Variants in CDH12 observed in about 807,000 individuals in gnomAD.
The protein encoded by CDH12 is cadherin-12.
Under a neutral mutation model 74.1 loss-of-function variants are expected in CDH12, and 41 were observed. That is an observed-to-expected ratio of 0.55 (90% CI 0.43 to 0.72). The LOEUF is 0.72. CDH12 is among the 30% of genes least tolerant of loss of function. CDH12 has a pLI of 0.00. For synonymous variants in CDH12, 399 were observed against 355.0 expected (o/e 1.12, Z -1.39); for missense variants, 945 against 977.2 (o/e 0.97, Z 0.44).
rs367713533 is a variant in CDH12, at chr5:22,111,159, G to C, written c.-186-32297C>G. Among the ~76,000 whole-genome samples the C allele has an allele frequency of 7.9e-5, 12 of 152,112 alleles. No homozygotes were observed. The South Asian group carries it at 2.5e-3, about 32-fold the overall frequency. On this transcript the variant is annotated intron_variant, in intron 4 of 14. Coordinates refer to ENST00000382254, the MANE Select transcript of CDH12 (RefSeq NM_004061.5). ...TTCCTTTTATTTTCTTGGGTGGGTG[G>C]GTGGTGGTATTTATTCATTGCCCTT...
At chr5:22,809,764 A>G (rs979814503) in intron 1 of CDH12, among the ~76,000 whole-genome samples, 5 of 152,078 alleles carry the variant, frequency 3.3e-5, no homozygotes, top group Non-Finnish European at 5.9e-5. Context: ...TTTTAAGCCA[A>G]AAATACTGCT....
At chr5:21,897,817 A>G (rs547976886) in intron 6 of CDH12, among the ~76,000 whole-genome samples, 21 of 152,204 alleles carry the variant, frequency 1.4e-4, no homozygotes, top group Non-Finnish European at 2.9e-4. Flanking sequence ...ATGTATTACA[A>G]TATTTCTTTG....
chr5:21,942,345 T>TACAC (rs777181583), intron 6 of CDH12, among the ~76,000 whole-genome samples: 7 of 99,080 alleles, frequency 7.1e-5, no homozygotes, highest in Admixed American at 2.4e-4. Flanking sequence ...TATATATATA[T>TACAC]ATACACACAC....
intron 1 of CDH12, among the ~76,000 whole-genome samples, chr5:22,668,081 AAAATTGAAC>A (rs1465101503): frequency 6.6e-6 from 1 of 152,192 alleles, no homozygotes; most frequent in Admixed American, 6.5e-5. Context: ...TTTTTCAATA[AAAATTGAAC>A]ATTTCCCTCT....
chr5:21,965,505 T>C (rs1756539570), intron 6 of CDH12, among the ~76,000 whole-genome samples: 1 of 152,092 alleles, frequency 6.6e-6, no homozygotes, highest in Non-Finnish European at 1.5e-5. Context: ...TTGACATATT[T>C]CTTTTTCGTT....
chr5:21,821,143 G>A (rs1257067913), intron 8 of CDH12, among the ~76,000 whole-genome samples: 1 of 151,728 alleles, frequency 6.6e-6, no homozygotes, highest in Non-Finnish European at 1.5e-5. Flanking sequence ...CAGTAACTAT[G>A]TCATTTGAAA....
At chr5:22,192,957 T>G (rs1365922938) in intron 4 of CDH12, among the ~76,000 whole-genome samples, 31 of 152,082 alleles carry the variant, frequency 2.0e-4, no homozygotes, top group Admixed American at 2.0e-3. Flanking sequence ...GCAGTAGGTA[T>G]GCAGACATGG....
At chr5:21,960,253 A>G (rs569264717) in intron 6 of CDH12, among the ~76,000 whole-genome samples, 4 of 152,302 alleles carry the variant, frequency 2.6e-5, no homozygotes, top group Admixed American at 1.3e-4. Flanking sequence ...TCATCTCCAC[A>G]TGGCACATGC....
At chr5:21,866,348 C>T (rs1004918235) in intron 6 of CDH12, among the ~76,000 whole-genome samples, 6 of 152,240 alleles carry the variant, frequency 3.9e-5, no homozygotes, top group African/African-American at 1.2e-4. Context: ...GACAGGAAAA[C>T]GTGGGACAGT....
At chr5:21,957,733 G>T (rs1320918508) in intron 6 of CDH12, among the ~76,000 whole-genome samples, 1 of 151,996 alleles carries the variant, frequency 6.6e-6, no homozygotes. Flanking sequence ...AAAAGTGTCT[G>T]TTCATGTACT....
At chr5:22,655,105 T>C (rs1031618500) in intron 1 of CDH12, among the ~76,000 whole-genome samples, 1 of 152,246 alleles carries the variant, frequency 6.6e-6, no homozygotes, top group Non-Finnish European at 1.5e-5. Flanking sequence ...TTAATCCAGA[T>C]GCTTATGTCA....
chr5:21,831,731 C>CT (rs148677735), intron 8 of CDH12, among the ~76,000 whole-genome samples: 6,719 of 151,784 alleles, frequency 0.044, 165 homozygotes, highest in African/African-American at 0.066. Context: ...TCAAAAGAGA[C>CT]AATTTTCTCG....
chr5:22,819,129 G>T (rs1581031680), intron 1 of CDH12, among the ~76,000 whole-genome samples: 1 of 152,266 alleles, frequency 6.6e-6, no homozygotes, highest in African/African-American at 2.4e-5. Context: ...TAACTATGTG[G>T]TATGTAAGCA....
intron 8 of CDH12, among the ~76,000 whole-genome samples, chr5:21,823,898 A>C (rs1207566962): frequency 6.6e-6 from 1 of 151,802 alleles, no homozygotes; most frequent in African/African-American, 2.4e-5. Context: ...TTTGTCTCTC[A>C]CTCTTCCTTT....
intron 3 of CDH12, among the ~76,000 whole-genome samples, chr5:22,295,858 A>G (rs1383433906): frequency 6.6e-6 from 1 of 152,134 alleles, no homozygotes; most frequent in East Asian, 1.9e-4. Context: ...TAGCAAGCCA[A>G]TACTGGATTT....
intron 6 of CDH12, among the ~76,000 whole-genome samples, chr5:21,901,947 T>A (rs921344721): frequency 6.6e-6 from 1 of 152,166 alleles, no homozygotes; most frequent in African/African-American, 2.4e-5. Flanking sequence ...AAGGGATATA[T>A]TCTTGTTCTG....
chr5:22,097,935 C>G (rs1743891396), intron 4 of CDH12, among the ~76,000 whole-genome samples: 1 of 152,174 alleles, frequency 6.6e-6, no homozygotes, highest in South Asian at 2.1e-4. Flanking sequence ...CCCATTTCAC[C>G]TGTCCTAAAA....
At chr5:21,811,225 A>G (rs1747728196) in intron 9 of CDH12, among the ~76,000 whole-genome samples, 1 of 152,148 alleles carries the variant, frequency 6.6e-6, no homozygotes. Context: ...ACTAAATAGG[A>G]AATAACTTCA....
At chr5:21,878,812 GA>G (rs1752080671) in intron 6 of CDH12, among the ~76,000 whole-genome samples, 1 of 124,120 alleles carries the variant, frequency 8.1e-6, no homozygotes, top group Admixed American at 8.5e-5. Context: ...AAGAAAGAAA[GA>G]AAGAAAGAGA....
Sources: allele counts gnomAD v4.1 joint callset (sites outside exome capture counted in the v4.1 genomes callset), GRCh38; gene constraint gnomAD v4.1.1; transcripts MANE v1.5; gene names NCBI Gene and HGNC (gene_info 2026-07-23, HGNC 2026-07-21).